Variants in ZNF462 observed in about 807,000 individuals in gnomAD.
ZNF462 encodes the protein zinc finger protein 462.
ZNF462 carries 10 observed loss-of-function variants against 201.9 expected under a neutral mutation model. That is an observed-to-expected ratio of 0.05 (90% CI 0.03 to 0.08). ZNF462 has a LOEUF of 0.08. ZNF462 is among the 10% of genes least tolerant of loss of function. The pLI is 1.00. For missense variants in ZNF462, 2,523 were observed against 3,168.3 expected, an observed-to-expected ratio of 0.80 and a Z score of 4.89; for synonymous variants, 1,227 against 1,193.3, an observed-to-expected ratio of 1.03 and a Z score of -0.58.
Position 106,905,491 on chromosome 9 carries a change from T to C in ZNF462, c.-30-17863T>C, listed in dbSNP as rs577377428. ...GGCGGGGCCCTAGAATCCCCAAGATTATATGCCCTTTGTCTTCCACTACTA... is the reference window on the plus strand; with the variant it reads ...GGCGGGGCCCTAGAATCCCCAAGATCATATGCCCTTTGTCTTCCACTACTA... On this transcript the variant is annotated intron_variant, in intron 1 of 12. Transcript: ENST00000277225. This position sits in a 1 kb window ranked among gnomAD's most constrained non-coding sequence, Gnocchi z 5.9. Among the ~76,000 whole-genome samples the C allele has an allele frequency of 1.1e-4, 16 of 152,234 alleles. No homozygotes were observed. In the South Asian group the frequency reaches 3.3e-3, roughly 32 times the overall value.
intron 1 of ZNF462, among the ~76,000 whole-genome samples, chr9:106,908,108 A>G (rs1356397268): frequency 6.6e-6 from 1 of 152,070 alleles, no homozygotes; most frequent in East Asian, 1.9e-4. Context: ...TGTGGCATTA[A>G]AGACTTCTAT....
intron 1 of ZNF462, among the ~76,000 whole-genome samples, chr9:106,867,497 A>C (rs1380531447): frequency 4.7e-4 from 72 of 152,216 alleles, no homozygotes; most frequent in Non-Finnish European, 5.9e-5. Context: ...GATTTATGTC[A>C]GTCTAATTCA....
Position 106,925,787 on chromosome 9 carries a change from C to T in ZNF462, c.1875C>T (p.Phe625=). ...LRVHQQHKHS[F]CDNLPKFEGQ... ...TCCATCAGCAGCATAAACATTCATT[C>T]TGTGACAACTTGCCAAAATTCGAGG... is the stretch of plus-strand genomic sequence containing the variant. Residue 625 remains phenylalanine (F), a synonymous_variant, in exon 3 of 13, where the codon TTC becomes TTT. Coordinates refer to ENST00000277225, the MANE Select transcript of ZNF462 (RefSeq NM_021224.6). The surrounding 1 kb of genome is among the most constrained non-coding windows in gnomAD (Gnocchi z 7.9). 6.2e-7 allele frequency: 1 copy of T among 1,614,236 alleles called. No homozygotes were observed. The highest frequency in any genetic ancestry group is 8.5e-7 in the Non-Finnish European group (1 of 1,180,040).
chr9:106,915,099 T>G (rs1339254679), intron 1 of ZNF462, among the ~76,000 whole-genome samples: 1 of 152,108 alleles, frequency 6.6e-6, no homozygotes, highest in Non-Finnish European at 1.5e-5. Context: ...AGACTTGCTC[T>G]CAAGGTGAAG....
At position 107,008,105 on chromosome 9, in the gene ZNF462, C is replaced by T. The variant is rs988279098; in HGVS notation, c.7190-1440C>T. Among the ~76,000 whole-genome samples, 1 of 151,990 alleles carries T rather than the reference C, an allele frequency of 6.6e-6. No homozygotes were observed. The highest frequency in any genetic ancestry group is 1.5e-5 in the Non-Finnish European group (1 of 67,994). On this transcript the variant is annotated intron_variant, in intron 11 of 12. Coordinates refer to ENST00000277225, the MANE Select transcript of ZNF462 (RefSeq NM_021224.6). This position sits in a 1 kb window ranked among gnomAD's most constrained non-coding sequence, Gnocchi z 4.8. The stretch of plus-strand genomic sequence containing the variant: ...GAGAAGAATCCAGGCATGAAGAAAT[C>T]AAAATTAACCCAAGCAGAATCCTCC...
intron 10 of ZNF462, among the ~76,000 whole-genome samples, chr9:106,994,998 C>T (rs984152823): frequency 6.6e-6 from 1 of 152,096 alleles, no homozygotes; most frequent in African/African-American, 2.4e-5. Flanking sequence ...ATCAACTTTT[C>T]AAATATGAAA....
chr9:106,892,275 C>T (rs138868905), intron 1 of ZNF462, among the ~76,000 whole-genome samples: 1 of 152,290 alleles, frequency 6.6e-6, no homozygotes, highest in East Asian at 1.9e-4. Context: ...TATAATAATC[C>T]TGGCATCCAT....
chr9:106,928,847 C>T lies in ZNF462; in HGVS notation c.4935C>T (p.Ser1645=). The change falls in exon 3 of 13, where the codon TCC becomes TCT. Residue 1645 remains serine (S), a synonymous_variant. Transcript: ENST00000277225. This position sits in a 1 kb window ranked among gnomAD's most constrained non-coding sequence, Gnocchi z 9.3. ...AGGAGGTGGGAGAGGAGCCCGTGTC[C>T]ACTTCTCACTTCTCTACCTCCCACC... The part of the protein sequence containing the change: ...TEEEVGEEPV[S]TSHFSTSHLV... 1.2e-6 allele frequency: 2 copies of T among 1,614,022 alleles called. No homozygotes were observed. The highest frequency in any genetic ancestry group is 1.7e-6 in the Non-Finnish European group (2 of 1,180,024).
At chr9:106,997,438 T>C (rs527771603) in intron 10 of ZNF462, among the ~76,000 whole-genome samples, 82 of 152,284 alleles carry the variant, frequency 5.4e-4, no homozygotes, top group African/African-American at 1.9e-3. Context: ...TAACTATCCA[T>C]TGATGGATGA....
chr9:106,862,532 C>T (rs1225512760), upstream of ZNF462, among the ~76,000 whole-genome samples: 5 of 146,792 alleles, frequency 3.4e-5, no homozygotes, highest in Admixed American at 6.7e-5. This position sits in a 1 kb window ranked among gnomAD's most constrained non-coding sequence, Gnocchi z 4.2. Context: ...TTCCCCTTCT[C>T]CTTCTCCTTT....
intron 11 of ZNF462, among the ~76,000 whole-genome samples, chr9:107,007,980 C>T (rs890939323): frequency 6.6e-5 from 10 of 152,156 alleles, no homozygotes; most frequent in African/African-American, 1.9e-4. Context: ...TTCACAGCCT[C>T]GCAGCCACCC....
chr9:106,951,888 G>T lies in ZNF462; in HGVS notation c.6427+12781G>T, dbSNP rs186159233. Among the ~76,000 whole-genome samples the T allele has an allele frequency of 4.3e-3, 648 of 151,130 alleles. 16 individuals carry two copies. The highest frequency in any genetic ancestry group is 6.5e-4 in the Non-Finnish European group (44 of 67,840). On this transcript the variant is annotated intron_variant, in intron 7 of 12. Coordinates refer to ENST00000277225, the MANE Select transcript of ZNF462 (RefSeq NM_021224.6). Reference sequence around the variant, plus strand: ...TTTTCCAGTGGAATTTTGGAGTCGCGGTGCTGTAGCGGCATCAAGTGTGAC... The same window carrying T: ...TTTTCCAGTGGAATTTTGGAGTCGCTGTGCTGTAGCGGCATCAAGTGTGAC...
Position 107,011,568 on chromosome 9 carries a change from A to ACTT in ZNF462, c.*539_*541dup, listed in dbSNP as rs1829925733. The stretch of plus-strand genomic sequence containing the variant: ...AGTCACCTGTTTCCTAGTACCTCAA[A>ACTT]CTTAACCAAGGGAACTCTCTGCATT... On this transcript the variant is annotated 3_prime_UTR_variant, in exon 13 of 13. Coordinates refer to ENST00000277225, the MANE Select transcript of ZNF462 (RefSeq NM_021224.6). This position sits in a 1 kb window ranked among gnomAD's most constrained non-coding sequence, Gnocchi z 5.6. 1 of 152,430 alleles carries ACTT rather than the reference A, an allele frequency of 6.6e-6. No individual in the cohort carries two copies. The highest frequency in any genetic ancestry group is 2.1e-4 in the South Asian group (1 of 4,840). 9.4% of individuals were successfully genotyped at this position (152,430 alleles called of 1,614,324 possible).
rs954213506 is a variant in ZNF462 at position 106,970,430 on chromosome 9, T to C, written c.6428-1575T>C. The stretch of plus-strand genomic sequence containing the variant: ...CAGGGAGGCTGCTCTGCTTTTGTTT[T>C]CCTGTTCGAAGAGGCTGACGGGATG... On this transcript the variant is annotated intron_variant, in intron 7 of 12. Transcript: ENST00000277225. The surrounding 1 kb of genome is among the most constrained non-coding windows in gnomAD (Gnocchi z 4.2). 1.3e-5 allele frequency among the ~76,000 whole-genome samples: 2 copies of C among 152,162 alleles called. No individual in the cohort carries two copies. The highest frequency in any genetic ancestry group is 1.3e-4 in the Admixed American group (2 of 15,274).
chr9:106,897,635 C>G (rs774888458), intron 1 of ZNF462, among the ~76,000 whole-genome samples: 20 of 152,178 alleles, frequency 1.3e-4, no homozygotes, highest in Non-Finnish European at 2.6e-4. Flanking sequence ...TCCTCTTTGT[C>G]TGAAGTTCAT....
At position 106,919,585 on chromosome 9, in the gene ZNF462, T is replaced by C. The variant is rs1442874305; in HGVS notation, c.-30-3769T>C. On this transcript the variant is annotated intron_variant, in intron 1 of 12. Coordinates refer to ENST00000277225, the MANE Select transcript of ZNF462 (RefSeq NM_021224.6). The surrounding 1 kb of genome is among the most constrained non-coding windows in gnomAD (Gnocchi z 4.5). ...AGTTTGTCAAACATAAACAATTGGA[T>C]TGTGGGTTTGCCCATCAAAACCCCA... is the stretch of plus-strand genomic sequence containing the variant. 6.6e-6 allele frequency among the ~76,000 whole-genome samples: 1 copy of C among 152,228 alleles called. No homozygotes were observed. The highest frequency in any genetic ancestry group is 1.5e-5 in the Non-Finnish European group (1 of 68,038).
intron 1 of ZNF462, among the ~76,000 whole-genome samples, chr9:106,878,917 A>G (rs1164902475): frequency 6.6e-6 from 1 of 152,144 alleles, no homozygotes; most frequent in South Asian, 2.1e-4. Context: ...CATCTTAGCA[A>G]CCCTGTTGGA....
intron 7 of ZNF462, among the ~76,000 whole-genome samples, chr9:106,947,069 A>G (rs1831141615): frequency 1.3e-5 from 2 of 152,226 alleles, no homozygotes; most frequent in South Asian, 2.1e-4. Flanking sequence ...ATGAGGGGCA[A>G]GTATACAGCT....
chr9:106,980,330 G>A (rs1368964700), intron 9 of ZNF462, among the ~76,000 whole-genome samples: 2 of 152,180 alleles, frequency 1.3e-5, no homozygotes, highest in Non-Finnish European at 2.9e-5. Context: ...GGTGCAAAGA[G>A]GGACTCAGTC....
Sources: allele counts gnomAD v4.1 joint callset (sites outside exome capture counted in the v4.1 genomes callset), GRCh38; gene constraint gnomAD v4.1.1; non-coding constraint Gnocchi (gnomAD v3.1); transcripts MANE v1.5; gene names NCBI Gene and HGNC (gene_info 2026-07-23, HGNC 2026-07-21).